The following PTAR1 variants were observed in gnomAD, a reference collection of about 807,000 sequenced individuals.
PTAR1 encodes protein prenyltransferase alpha subunit repeat containing 1.
Under a neutral mutation model 45.5 loss-of-function variants are expected in PTAR1, and 17 were observed. That is an observed-to-expected ratio of 0.37 (90% CI 0.26 to 0.56). The LOEUF is 0.56. Ranked by LOEUF, PTAR1 falls within the 20% of genes least tolerant of loss-of-function variation. PTAR1 has a pLI of 0.77. For missense variants in PTAR1, 391 were observed against 476.3 expected (o/e 0.82, Z 1.67); for synonymous variants, 169 against 171.3 (o/e 0.99, Z 0.11).
intron 5 of PTAR1, 60 bp downstream of exon 5, chr9:69,732,079 A>G: frequency 8.2e-7 from 1 of 1,218,372 alleles, no homozygotes; most frequent in Non-Finnish European, 1.2e-6. Flanking sequence ...AGAATGAACT[A>G]CTACCAGAAG....
intron 2 of PTAR1, among the ~76,000 whole-genome samples, chr9:69,747,741 A>G (rs1826338236): frequency 6.6e-6 from 1 of 152,210 alleles, no homozygotes; most frequent in Non-Finnish European, 1.5e-5. Context: ...GTGAAGACAG[A>G]AATCAGATTT....
intron 2 of PTAR1, among the ~76,000 whole-genome samples, chr9:69,750,190 C>A (rs1015820734): frequency 6.6e-6 from 1 of 151,132 alleles, no homozygotes; most frequent in South Asian, 2.1e-4. Flanking sequence ...AAAAAAAAAA[C>A]TGTCTGAGAG....
At chr9:69,755,163 T>C (rs534591042) in intron 1 of PTAR1, among the ~76,000 whole-genome samples, 229 of 152,292 alleles carry the variant, frequency 1.5e-3, no homozygotes, top group Non-Finnish European at 2.7e-3. Context: ...AAGAAGATCA[T>C]AGGATTTTTA....
At chr9:69,734,382 G>T (rs909338670) in intron 3 of PTAR1, 128 bp from the exon 4 acceptor site, 1 of 391,744 alleles carries the variant, frequency 2.6e-6, no homozygotes, top group Non-Finnish European at 4.3e-6. Flanking sequence ...AACAAAAAAA[G>T]AAAGAAAAAA....
intron 6 of PTAR1, among the ~76,000 whole-genome samples, chr9:69,720,279 T>C (rs1420108616): frequency 6.6e-6 from 1 of 152,236 alleles, no homozygotes; most frequent in Non-Finnish European, 1.5e-5. Flanking sequence ...ACAGTCTTAC[T>C]GCTGATATGG....
rs1824587326 is a variant in PTAR1, at chr9:69,713,079, A to G, written c.*5263T>C. 1 of 152,166 alleles carries G rather than the reference A, an allele frequency of 6.6e-6. No individual in the cohort carries two copies. The highest frequency in any genetic ancestry group is 2.4e-5 in the African/African-American group (1 of 41,446). The allele number at this position is 152,166 out of a possible 1,614,324, so 9.4% of individuals were successfully genotyped here. On this transcript the variant is annotated 3_prime_UTR_variant, in exon 8 of 8. Coordinates refer to ENST00000340434, the MANE Select transcript of PTAR1 (RefSeq NM_001099666.2). ...CCTGAGGAATAACAACAGACTAATA[A>G]AAGTAACGTCAGGGTTAGCTTTCTG...
At position 69,748,578 on chromosome 9, in the gene PTAR1, G is replaced by A. The variant is rs543312980; in HGVS notation, c.256+2203C>T. On this transcript the variant is annotated intron_variant, in intron 2 of 7. Coordinates refer to ENST00000340434, the MANE Select transcript of PTAR1 (RefSeq NM_001099666.2). ...AATACATTTTTAGGTGGATGCCTAG[G>A]ATTCTTGCATGATCGATCACACAGA... Among the ~76,000 whole-genome samples the A allele has an allele frequency of 1.6e-4, 25 of 152,186 alleles. No homozygotes were observed. The East Asian group carries it at 3.1e-3, about 19-fold the overall frequency.
At chr9:69,747,113 A>G (rs1382835751) in intron 2 of PTAR1, among the ~76,000 whole-genome samples, 1 of 152,242 alleles carries the variant, frequency 6.6e-6, no homozygotes, top group African/African-American at 2.4e-5. Flanking sequence ...CTCGTTTGAC[A>G]AATGTCTGTT....
chr9:69,728,912 A>G (rs1474074213), intron 5 of PTAR1, among the ~76,000 whole-genome samples: 1 of 152,234 alleles, frequency 6.6e-6, no homozygotes, highest in Non-Finnish European at 1.5e-5. Flanking sequence ...AAAAATCTAT[A>G]GCATTGTTGT....
chr9:69,733,145 G>T (rs1442205602), intron 4 of PTAR1, among the ~76,000 whole-genome samples: 1 of 151,814 alleles, frequency 6.6e-6, no homozygotes, highest in Non-Finnish European at 1.5e-5. Flanking sequence ...AATATTGCTT[G>T]ATAAAAAAAA....
Position 69,714,003 on chromosome 9 carries a change from C to A in PTAR1, c.*4339G>T, listed in dbSNP as rs1015686926. ...CTTGCTCCCAAAAAAGTAAGAAAGG[C>A]ACTCGAATTAACACAGTCTCTACAG... On this transcript the variant is annotated 3_prime_UTR_variant, in exon 8 of 8. Transcript: ENST00000340434. 1 of 152,056 alleles carries A rather than the reference C, an allele frequency of 6.6e-6. No homozygotes were observed. The highest frequency in any genetic ancestry group is 2.4e-5 in the African/African-American group (1 of 41,422). The allele number at this position is 152,056 out of a possible 1,614,324, so 9.4% of individuals were successfully genotyped here. A position where few individuals can be genotyped will look rare whatever the true frequency, so the allele number is the denominator to read the frequency against.
At position 69,712,376 on chromosome 9, in the gene PTAR1, T is replaced by C. The variant is rs1388855430; in HGVS notation, c.*5966A>G. ...AAGGTGTTGGTCTAATAAAGAAAAC[T>C]GCTTTAAGTAGGAGCACTTTTAGCA... On this transcript the variant is annotated 3_prime_UTR_variant, in exon 8 of 8. Transcript: ENST00000340434. 1 of 152,190 alleles carries C rather than the reference T, an allele frequency of 6.6e-6. No homozygotes were observed. Among genetic ancestry groups the C allele is most frequent in the Non-Finnish European group, 1.5e-5 (1 of 68,018 alleles). The allele number at this position is 152,190 out of a possible 1,614,324, so 9.4% of individuals were successfully genotyped here.
chr9:69,748,583 T>C (rs564839610), intron 2 of PTAR1, among the ~76,000 whole-genome samples: 72 of 152,258 alleles, frequency 4.7e-4, no homozygotes, highest in Non-Finnish European at 9.0e-4. Flanking sequence ...CCTAGGATTC[T>C]TGCATGATCG....
In PTAR1 at chr9:69,722,637, AG is replaced by A. The variant is rs34503793; in HGVS notation, c.947+688del. Among the ~76,000 whole-genome samples the A allele has an allele frequency of 2.4e-4, 36 of 149,330 alleles. No homozygotes were observed. The East Asian group carries it at 4.3e-3, about 18-fold the overall frequency. ...TGCATCAATGTGTTGAGCTTTTTCTAGGGGGGAAAAAAAAAAAAGGGCCAGG... is the reference window on the plus strand; with the variant it reads ...TGCATCAATGTGTTGAGCTTTTTCTAGGGGGAAAAAAAAAAAAGGGCCAGG... On this transcript the variant is annotated intron_variant, in intron 6 of 7. Coordinates refer to ENST00000340434, the MANE Select transcript of PTAR1 (RefSeq NM_001099666.2).
intron 6 of PTAR1, 148 bp from the exon 7 acceptor site, chr9:69,718,832 A>T (rs895115669): frequency 1.7e-6 from 1 of 579,144 alleles, no homozygotes; most frequent in African/African-American, 1.9e-5. Flanking sequence ...AGGAGGAAAA[A>T]CAGTAGAGAT....
At chr9:69,725,626 A>C (rs1825241126) in intron 5 of PTAR1, among the ~76,000 whole-genome samples, 2 of 151,836 alleles carry the variant, frequency 1.3e-5, no homozygotes, top group Non-Finnish European at 2.9e-5. Flanking sequence ...ATTTTCAACA[A>C]AATCAATTTC....
intron 5 of PTAR1, among the ~76,000 whole-genome samples, chr9:69,725,036 C>T (rs932673709): frequency 2.0e-5 from 3 of 152,162 alleles, no homozygotes; most frequent in Middle Eastern, 3.4e-3. Flanking sequence ...AAAAATAGCA[C>T]CAGATAAACT....
intron 1 of PTAR1, 151 bp downstream of exon 1, chr9:69,759,702 C>T (rs915016154): frequency 7.1e-6 from 5 of 703,150 alleles, no homozygotes; most frequent in Non-Finnish European, 1.1e-5. Context: ...CGGCCGACAA[C>T]GGTCCCGCCC....
chr9:69,710,170 A>G lies in PTAR1; in HGVS notation c.*8172T>C, dbSNP rs764708531. 5.3e-5 allele frequency: 8 copies of G among 152,160 alleles called. No individual in the cohort carries two copies. The highest frequency in any genetic ancestry group is 1.0e-4 in the Non-Finnish European group (7 of 68,012). The allele number at this position is 152,160 out of a possible 1,614,324, so 9.4% of individuals were successfully genotyped here. A position where few individuals can be genotyped will look rare whatever the true frequency, so the allele number is the denominator to read the frequency against. On this transcript the variant is annotated 3_prime_UTR_variant, in exon 8 of 8. Coordinates refer to ENST00000340434, the MANE Select transcript of PTAR1 (RefSeq NM_001099666.2). Reference sequence around the variant, plus strand: ...TGTACTGTCCAGTATAGTAGCCCTTAGCCATATGTGACTACTGAGCACTTA... The same window carrying G: ...TGTACTGTCCAGTATAGTAGCCCTTGGCCATATGTGACTACTGAGCACTTA...
Sources: allele counts gnomAD v4.1 joint callset (sites outside exome capture counted in the v4.1 genomes callset), GRCh38; gene constraint gnomAD v4.1.1; transcripts MANE v1.5; gene names NCBI Gene and HGNC (gene_info 2026-07-23, HGNC 2026-07-21).